Variants in TRAPPC2L observed in about 807,000 individuals in gnomAD.
The protein encoded by TRAPPC2L is trafficking protein particle complex subunit 2-like protein.
TRAPPC2L carries 17 observed loss-of-function variants against 13.2 expected under a neutral mutation model. The ratio of observed to expected loss-of-function variants is 1.29; its 90% CI spans 0.88 to 1.93. TRAPPC2L has a LOEUF of 1.93. Among genes scored for constraint, TRAPPC2L ranks in the 30% most tolerant of loss-of-function variants. The probability of loss-of-function intolerance (pLI) is 0.00; values close to 1 mark genes in which losing one functional copy is unlikely to be tolerated. For missense variants in TRAPPC2L, 359 were observed against 252.1 expected, an observed-to-expected ratio of 1.42 and a Z score of -2.87; for synonymous variants, 150 against 98.1, an observed-to-expected ratio of 1.53 and a Z score of -3.12.
exon 4 of TRAPPC2L, chr16:88,861,557 C>T: frequency 2.2e-6 from 1 of 461,502 alleles, no homozygotes; most frequent in African/African-American, 2.0e-5. Context: ...AGCCCTGGTC[C>T]TAAACCTTGG....
chr16:88,858,506 C>G, intron 1 of TRAPPC2L, 113 bp from the exon 2 acceptor site: 1 of 1,160,296 alleles, frequency 8.6e-7, no homozygotes, highest in East Asian at 2.4e-5. Flanking sequence ...GGCCTTAGAG[C>G]ATGGGAATGC....
In TRAPPC2L at chr16:88,858,821, G is replaced by A. The variant is rs372604331; in HGVS notation, c.206+30G>A. On this transcript the variant is annotated intron_variant, in intron 2 of 3. Transcript: ENST00000565504. ...CTTTCAGGGCAGGGTGTGTGTCAGG[G>A]AGGACCTACAGTTGCAAGATGTACT... The A allele has an allele frequency of 6.9e-6, 11 of 1,599,030 alleles. No homozygotes were observed. The African/African-American group carries it at 9.4e-5, about 14-fold the overall frequency.
At chr16:88,860,914 G>A in exon 4 of TRAPPC2L, 4 of 1,593,168 alleles carry the variant, frequency 2.5e-6, no homozygotes, top group East Asian at 2.3e-5. Context: ...CTCTTAGCAG[G>A]GCCTTTGATA....
chr16:88,857,006 G>T, upstream of TRAPPC2L: 8 of 1,388,560 alleles, frequency 5.8e-6, no homozygotes, highest in Non-Finnish European at 7.4e-6. Flanking sequence ...CAGAGTCCGC[G>T]GAGGGACGGG....
chr16:88,859,785 G>T, intron 3 of TRAPPC2L, 35 bp downstream of exon 3: 1 of 1,595,556 alleles, frequency 6.3e-7, no homozygotes, highest in South Asian at 1.1e-5. Flanking sequence ...CGCCCGAGTG[G>T]GTGTTTTGTT....
chr16:88,858,685 A>G (rs966628957), exon 2 of TRAPPC2L: 1 of 1,613,480 alleles, frequency 6.2e-7, no homozygotes, highest in African/African-American at 1.3e-5. Flanking sequence ...CATGGTGCAC[A>G]CATCTCTGGA....
At chr16:88,858,594 C>T (rs1183402575) in intron 1 of TRAPPC2L, 25 bp from the exon 2 acceptor site, 9 of 1,607,650 alleles carry the variant, frequency 5.6e-6, no homozygotes, top group Non-Finnish European at 7.6e-6. Context: ...CTTGTCCTTT[C>T]AGTCGCCGTC....
At chr16:88,859,293 G>A in intron 2 of TRAPPC2L, 1 of 610,774 alleles carries the variant, frequency 1.6e-6, no homozygotes, top group South Asian at 1.5e-5. Flanking sequence ...ACAAAATAAT[G>A]TGGCCTCTAG....
intron 2 of TRAPPC2L, 147 bp downstream of exon 2, chr16:88,858,938 G>A (rs1011791000): frequency 1.3e-5 from 10 of 766,558 alleles, no homozygotes; most frequent in Non-Finnish European, 1.8e-5. Context: ...GTGAATGAAG[G>A]CCTGTAACTC....
At chr16:88,857,063 C>A, upstream of TRAPPC2L, 5 of 1,480,280 alleles carry the variant, frequency 3.4e-6, no homozygotes, top group Non-Finnish European at 4.5e-6. Context: ...GGGCCTGAGC[C>A]AGCTGTGTGC....
intron 1 of TRAPPC2L, chr16:88,857,428 C>T: frequency 2.1e-6 from 1 of 470,492 alleles, no homozygotes; most frequent in Non-Finnish European, 3.8e-6. Context: ...GTCTCCTCCC[C>T]GCCAGGACCC....
exon 2 of TRAPPC2L, chr16:88,858,710 A>G: frequency 6.2e-7 from 1 of 1,613,636 alleles, no homozygotes; most frequent in Admixed American, 1.7e-5. Flanking sequence ...GTGGATGAGA[A>G]GATCTCCGCA....
At chr16:88,858,747 G>A (rs1968164315) in exon 2 of TRAPPC2L, 3 of 1,613,366 alleles carry the variant, frequency 1.9e-6, no homozygotes, top group African/African-American at 1.3e-5. Context: ...TCGACCAGAG[G>A]GAGCTGTACC....
At chr16:88,856,512 AC>A (rs1967898385), upstream of TRAPPC2L, 1 of 697,112 alleles carries the variant, frequency 1.4e-6, no homozygotes, top group Non-Finnish European at 2.6e-6. Flanking sequence ...GTGATCGGTG[AC>A]CGCCGAGACC....
chr16:88,858,889 G>C, intron 2 of TRAPPC2L, 98 bp downstream of exon 2: 2 of 1,363,448 alleles, frequency 1.5e-6, no homozygotes, highest in South Asian at 1.5e-5. Flanking sequence ...AAAAAGAGGT[G>C]AGAGTTTTTA....
upstream of TRAPPC2L, chr16:88,857,089 T>C (rs1967965673): frequency 1.3e-6 from 2 of 1,540,670 alleles, no homozygotes; most frequent in African/African-American, 1.4e-5. Flanking sequence ...GGGCGGGGCT[T>C]TGGAGGCCGC....
upstream of TRAPPC2L, chr16:88,856,845 C>A: frequency 6.6e-7 from 1 of 1,516,328 alleles, no homozygotes; most frequent in South Asian, 1.2e-5. Context: ...GCAACAGCTG[C>A]CACCACCTCG....
chr16:88,861,690 G>A (rs753497487), exon 4 of TRAPPC2L: 11 of 480,422 alleles, frequency 2.3e-5, no homozygotes, highest in Non-Finnish European at 3.8e-5. Context: ...CGTCAGTGCC[G>A]CCGGCGTCCT....
At chr16:88,857,279 A>C in intron 1 of TRAPPC2L, 96 bp downstream of exon 1, 2 of 1,195,808 alleles carry the variant, frequency 1.7e-6, no homozygotes, top group Non-Finnish European at 2.3e-6. Context: ...CACCTTAGGA[A>C]ATGGGACCTG....
Sources: gnomAD v4.1 joint callset for allele counts on GRCh38, gnomAD v4.1.1 for gene constraint, MANE v1.5 for transcripts, NCBI Gene and HGNC (gene_info 2026-07-23, HGNC 2026-07-21) for gene names.